Variants in ZNF426 observed in about 807,000 individuals in gnomAD.
ZNF426 encodes zinc finger protein 426, also known as CTC-543D15.7.
A neutral mutation model predicts 24.0 loss-of-function variants in ZNF426; 23 were observed. The observed-to-expected ratio is 0.96, with a 90% CI of 0.69 to 1.36. ZNF426 has a LOEUF of 1.36. Among genes scored for constraint, ZNF426 ranks in the 40% most tolerant of loss-of-function variants. ZNF426 has a pLI of 0.00. For missense variants in ZNF426, 646 were observed against 658.4 expected, an observed-to-expected ratio of 0.98 and a Z score of 0.21; for synonymous variants, 272 against 224.6, an observed-to-expected ratio of 1.21 and a Z score of -1.89.
rs2073783286 is a variant in ZNF426 at position 9,525,479 on chromosome 19, G to GTTT, written c.*2900_*2901insAAA. ...GGCTGAGCATTGATGATGGGTTTTT[G>GTTT]TTGTTGTTGTTGTTGTTGTTGTTTT... is the stretch of plus-strand genomic sequence containing the variant. On this transcript the variant is annotated 3_prime_UTR_variant, in exon 8 of 8. Transcript: ENST00000253115. 6.6e-6 allele frequency: 1 copy of GTTT among 151,380 alleles called. No homozygotes were observed. The highest frequency in any genetic ancestry group is 2.4e-5 in the African/African-American group (1 of 41,148). The allele number at this position is 151,380 out of a possible 1,614,324, so 9.4% of individuals were successfully genotyped here.
intron 7 of ZNF426, among the ~76,000 whole-genome samples, chr19:9,530,107 C>T (rs1264023380): frequency 6.6e-6 from 1 of 151,936 alleles, no homozygotes; most frequent in African/African-American, 2.4e-5. Flanking sequence ...GGCAACAAAG[C>T]GAGACTCCGT....
rs2073905570 is a variant in ZNF426, at chr19:9,532,729, T to C, written c.325+116A>G. The C allele has an allele frequency of 5.7e-6, 4 of 696,076 alleles. No individual in the cohort carries two copies. The South Asian group carries it at 7.9e-5, about 14-fold the overall frequency. 43.1% of individuals were successfully genotyped at this position (696,076 alleles called of 1,614,324 possible). A position where few individuals can be genotyped will look rare whatever the true frequency, so the allele number is the denominator to read the frequency against. ...GGAAGTTAAATATTTCCTAACTTTCTCTAAACCTTGGGGTTTAGAGTGCAG... is the reference window on the plus strand; with the variant it reads ...GGAAGTTAAATATTTCCTAACTTTCCCTAAACCTTGGGGTTTAGAGTGCAG... On this transcript the variant is annotated intron_variant, in intron 6 of 7. Coordinates refer to ENST00000253115, the MANE Select transcript of ZNF426 (RefSeq NM_024106.3).
chr19:9,535,065 G>A (rs1039587136), intron 4 of ZNF426, 123 bp downstream of exon 4: 52 of 689,028 alleles, frequency 7.5e-5, no homozygotes, highest in South Asian at 9.2e-5. Context: ...GCAACACAGC[G>A]AGACTCCCTC....
rs5827064 is a variant in ZNF426, at chr19:9,533,291, CAA to C, written c.245-368_245-367del. Among the ~76,000 whole-genome samples, 773 of 137,074 alleles carry C rather than the reference CAA, an allele frequency of 5.6e-3. 3 individuals are homozygous for C. Among genetic ancestry groups the C allele is most frequent in the Admixed American group, 6.8e-3 (93 of 13,722 alleles). 89.9% of individuals were successfully genotyped at this position (137,074 alleles called of 152,430 possible). A position where few individuals can be genotyped will look rare whatever the true frequency, so the allele number is the denominator to read the frequency against. On this transcript the variant is annotated intron_variant, in intron 5 of 7. Coordinates refer to ENST00000253115, the MANE Select transcript of ZNF426 (RefSeq NM_024106.3). ...TGAAACCCCATCTCTTCTAAAAATA[CAA>C]AAAAAAAAAAAAAATAGCTGGGTGT...
rs751705226 is a variant in ZNF426 at position 9,529,077 on chromosome 19, A to G, written c.968T>C (p.Phe323Ser). Residue 323 changes from phenylalanine to serine, a missense_variant, in exon 8 of 8, where the codon TTT (phenylalanine) becomes TCT (serine). Coordinates refer to ENST00000253115, the MANE Select transcript of ZNF426 (RefSeq NM_024106.3). ...AGTGTGAGTTCTTCCATGTATCTGA[A>G]ATGAGTTGGAATAATTGAAGGCTTT... ...CGKAFNYSNS[F>S]QIHGRTHTGE... is the part of the protein sequence containing the mutation. 1.2e-6 allele frequency: 2 copies of G among 1,613,722 alleles called. No individual in the cohort carries two copies. The highest frequency in any genetic ancestry group is 2.2e-5 in the East Asian group (1 of 44,880).
At chr19:9,536,908 G>T (rs1250179431) in intron 2 of ZNF426, among the ~76,000 whole-genome samples, 1 of 152,166 alleles carries the variant, frequency 6.6e-6, no homozygotes, top group African/African-American at 2.4e-5. Context: ...CCTGAGGCCA[G>T]AAGATCATGA....
rs1028542575 is a variant in ZNF426, at chr19:9,525,181, G to A, written c.*3199C>T. On this transcript the variant is annotated 3_prime_UTR_variant, in exon 8 of 8. Transcript: ENST00000253115. ...GGAGAATGGCGTGAACCCGGGAGGC[G>A]GAGCTTGCAGTGAGCCGAGATCGCA... 1.8e-4 allele frequency: 27 copies of A among 150,522 alleles called. No homozygotes were observed. Among genetic ancestry groups the A allele is most frequent in the East Asian group, 1.0e-3 (5 of 4,984 alleles). 9.3% of individuals were successfully genotyped at this position (150,522 alleles called of 1,614,324 possible).
Position 9,531,039 on chromosome 19 carries a change from C to A in ZNF426, c.354G>T (p.Trp118Cys), listed in dbSNP as rs2073875724. The A allele has an allele frequency of 2.5e-6, 4 of 1,613,940 alleles. No individual in the cohort carries two copies. Among genetic ancestry groups the A allele is most frequent in the Non-Finnish European group, 3.4e-6 (4 of 1,179,952 alleles). The change falls in exon 7 of 8, where the codon TGG (tryptophan) becomes TGT (cysteine). Residue 118 changes from tryptophan to cysteine, a missense_variant. Transcript: ENST00000253115. ...QGWEMRLETQ[W>C]SILQQDFLRG... is the part of the protein sequence containing the mutation. Reference sequence around the variant, plus strand: ...TCAAAAAGTCCTGCTGAAGTATAGACCACTGGGTTTCAAGTCGCATTTCCC... The same window carrying A: ...TCAAAAAGTCCTGCTGAAGTATAGAACACTGGGTTTCAAGTCGCATTTCCC...
At chr19:9,531,332 C>A (rs1662532136) in intron 6 of ZNF426, among the ~76,000 whole-genome samples, 1 of 152,212 alleles carries the variant, frequency 6.6e-6, no homozygotes, top group South Asian at 2.1e-4. Flanking sequence ...TTGTAAGGAG[C>A]TCAGATCACA....
chr19:9,530,846 G>C, intron 7 of ZNF426, 139 bp downstream of exon 7: 1 of 641,990 alleles, frequency 1.6e-6, no homozygotes, highest in East Asian at 2.8e-5. Flanking sequence ...TTCACAATTG[G>C]AGCATCCCTA....
Position 9,531,081 on chromosome 19 carries a change from GACAA to G in ZNF426, c.326-18_326-15del, listed in dbSNP as rs1485330880. Reference sequence around the variant, plus strand: ...GCATTTCCCATCCTGAAATAAAACAGACAAACAAATAAAAGGACTCAAGCTAGGC... The same window carrying G: ...GCATTTCCCATCCTGAAATAAAACAGACAAATAAAAGGACTCAAGCTAGGC... On this transcript the variant is annotated splice_polypyrimidine_tract_variant and intron_variant, in intron 6 of 7. Coordinates refer to ENST00000253115, the MANE Select transcript of ZNF426 (RefSeq NM_024106.3). The G allele has an allele frequency of 2.5e-6, 4 of 1,609,232 alleles. No individual in the cohort carries two copies. The highest frequency in any genetic ancestry group is 1.3e-5 in the African/African-American group (1 of 74,822).
chr19:9,528,747 G>C lies in ZNF426; in HGVS notation c.1298C>G (p.Ser433Ter). ...KICGKVFGYPSCLNNHMRTHS... is the reference protein window; with the variant it reads ...KICGKVFGYP ...CGTTCGCATGTGATTATTAAGACAT[G>C]AGGGATACCCAAATACTTTCCCACA... is the stretch of plus-strand genomic sequence containing the variant. The change falls in exon 8 of 8, where the codon TCA (serine) becomes TGA (stop). Residue 433 changes from serine (S) to a stop codon, truncating the protein, a stop_gained. Transcript: ENST00000253115. LOFTEE classifies it low-confidence loss of function (END_TRUNC). The C allele has an allele frequency of 6.2e-7, 1 of 1,614,058 alleles. No homozygotes were observed. Among genetic ancestry groups the C allele is most frequent in the Non-Finnish European group, 8.5e-7 (1 of 1,179,996 alleles).
intron 3 of ZNF426, among the ~76,000 whole-genome samples, chr19:9,535,517 G>A (rs528426418): frequency 4.6e-5 from 7 of 151,902 alleles, no homozygotes; most frequent in Admixed American, 1.3e-4. Context: ...GTGAGACCCC[G>A]TCTCTACAAA....
chr19:9,528,884 AGT>A lies in ZNF426; in HGVS notation c.1159_1160del (p.Thr387TrpfsTer9). The A allele has an allele frequency of 6.2e-7, 1 of 1,614,194 alleles. No homozygotes were observed. The highest frequency in any genetic ancestry group is 1.7e-5 in the Admixed American group (1 of 60,014). On this transcript the variant is annotated frameshift_variant, in exon 8 of 8. Transcript: ENST00000253115. LOFTEE classifies it low-confidence loss of function (END_TRUNC). ...CAACACATACAAAAGGCTTCTCTCC[AGT>A]GTGAGTTCTTATATGTTGAATAAGG... is the stretch of plus-strand genomic sequence containing the variant. ...SRLIQHIRTH[T>X]GEKPFVCVEC... is the part of the protein sequence containing the mutation.
chr19:9,528,667 A>T lies in ZNF426; in HGVS notation c.1378T>A (p.Ser460Thr). 2 of 1,614,094 alleles carry T rather than the reference A, an allele frequency of 1.2e-6. No individual in the cohort carries two copies. Among genetic ancestry groups the T allele is most frequent in the East Asian group, 4.5e-5 (2 of 44,846 alleles). The change falls in exon 8 of 8, where the codon TCC (serine) becomes ACC (threonine). Residue 460 changes from serine (S) to threonine (T), a missense_variant. Transcript: ENST00000253115. ...CKECGKAFNY[S>T]THLKIHMRIH... ...CGCATGTGAATTTTAAGGTGGGTGGAATAGTTAAAAGCCTTCCCACATTCC... is the reference window on the plus strand; with the variant it reads ...CGCATGTGAATTTTAAGGTGGGTGGTATAGTTAAAAGCCTTCCCACATTCC...
Position 9,529,365 on chromosome 19 carries a change from C to G in ZNF426, c.680G>C (p.Ser227Thr), listed in dbSNP as rs200638884. 52 of 1,614,196 alleles carry G rather than the reference C, an allele frequency of 3.2e-5. No individual in the cohort carries two copies. The East Asian group carries it at 8.7e-4, about 27-fold the overall frequency. The change falls in exon 8 of 8, where the codon AGT (serine) becomes ACT (threonine). Residue 227 changes from serine to threonine, a missense_variant. Transcript: ENST00000253115. Reference sequence around the variant, plus strand: ...ATTAATGAAGGATTTTCCACAGTGACTACATTCAAATGACTTTTCTTGTGT... The same window carrying G: ...ATTAATGAAGGATTTTCCACAGTGAGTACATTCAAATGACTTTTCTTGTGT... ...TSTQEKSFEC[S>T]HCGKSFINES...
rs1179741298 is a variant in ZNF426, at chr19:9,526,102, C to A, written c.*2278G>T. 1 of 152,054 alleles carries A rather than the reference C, an allele frequency of 6.6e-6. No individual in the cohort carries two copies. Among genetic ancestry groups the A allele is most frequent in the East Asian group, 1.9e-4 (1 of 5,170 alleles). 9.4% of individuals were successfully genotyped at this position (152,054 alleles called of 1,614,324 possible). The stretch of plus-strand genomic sequence containing the variant: ...AAAACTGAAGTTCACAGTGCAGAAG[C>A]ACAGACTCACTGCAAGACTGACATC... On this transcript the variant is annotated 3_prime_UTR_variant, in exon 8 of 8. Transcript: ENST00000253115.
intron 3 of ZNF426, among the ~76,000 whole-genome samples, chr19:9,535,697 G>T: frequency 6.6e-6 from 1 of 151,990 alleles, no homozygotes; most frequent in African/African-American, 2.4e-5. Context: ...AGCCAGGCAT[G>T]GTGGCATGTG....
rs1228949403 is a variant in ZNF426, at chr19:9,525,687, C to A, written c.*2693G>T. On this transcript the variant is annotated 3_prime_UTR_variant, in exon 8 of 8. Transcript: ENST00000253115. The stretch of plus-strand genomic sequence containing the variant: ...TATTTTTAGTAGAGACGGGGTTTCA[C>A]CATGTTGGCCAGGATGGTCTCGATC... 1 of 152,182 alleles carries A rather than the reference C, an allele frequency of 6.6e-6. No homozygotes were observed. The highest frequency in any genetic ancestry group is 1.5e-5 in the Non-Finnish European group (1 of 68,102). The allele number at this position is 152,182 out of a possible 1,614,324, so 9.4% of individuals were successfully genotyped here.
Sources: gnomAD v4.1 joint callset for allele counts (sites outside exome capture counted in the v4.1 genomes callset) on GRCh38, gnomAD v4.1.1 for gene constraint, MANE v1.5 for transcripts, NCBI Gene and HGNC (gene_info 2026-07-23, HGNC 2026-07-21) for gene names.